Variants in SUPT3H observed in about 807,000 individuals in gnomAD.
SUPT3H encodes transcription initiation protein SPT3 homolog.
SUPT3H carries 44 observed loss-of-function variants against 44.3 expected under a neutral mutation model. The ratio of observed to expected loss-of-function variants is 0.99; its 90% CI spans 0.78 to 1.28. The LOEUF (loss-of-function observed/expected upper bound fraction) is 1.28. Ranked by LOEUF, SUPT3H falls within the 50% of genes most tolerant of loss-of-function variation. The pLI is 0.00. For missense variants in SUPT3H, 380 were observed against 387.1 expected, an observed-to-expected ratio of 0.98 and a Z score of 0.15; for synonymous variants, 124 against 125.6, an observed-to-expected ratio of 0.99 and a Z score of 0.09.
chr6:45,301,393 C>A (rs1782121902), intron 2 of SUPT3H, among the ~76,000 whole-genome samples: 1 of 152,134 alleles, frequency 6.6e-6, no homozygotes, highest in African/African-American at 2.4e-5. Context: ...ATGGGAAGTT[C>A]TCTTTTTTCT....
intron 5 of SUPT3H, among the ~76,000 whole-genome samples, chr6:45,011,738 C>A (rs1783517198): frequency 6.6e-6 from 1 of 151,876 alleles, no homozygotes; most frequent in South Asian, 2.1e-4. Context: ...TTATTTGGTG[C>A]AGCTTGCTTT....
chr6:45,318,700 T>C (rs1026626004), intron 2 of SUPT3H, among the ~76,000 whole-genome samples: 12 of 152,172 alleles, frequency 7.9e-5, no homozygotes, highest in East Asian at 1.9e-4. Context: ...TTGTATTGAA[T>C]AATCCATAAA....
intron 6 of SUPT3H, among the ~76,000 whole-genome samples, chr6:44,971,652 G>C (rs1017214887): frequency 7.9e-5 from 12 of 152,260 alleles, no homozygotes; most frequent in African/African-American, 2.9e-4. Context: ...TACAATTCAA[G>C]ATGAGATTTG....
At chr6:44,980,913 G>A (rs769884436) in intron 6 of SUPT3H, among the ~76,000 whole-genome samples, 32 of 152,110 alleles carry the variant, frequency 2.1e-4, no homozygotes, top group South Asian at 4.1e-4. Context: ...ATTAAGAAGC[G>A]CACGTCTGAA....
intron 3 of SUPT3H, among the ~76,000 whole-genome samples, chr6:45,045,136 T>C (rs1397932927): frequency 6.6e-6 from 1 of 152,084 alleles, no homozygotes; most frequent in African/African-American, 2.4e-5. Context: ...AAATTATTAA[T>C]CCATGCCATA....
At chr6:45,348,051 G>A (rs1179362109) in intron 2 of SUPT3H, among the ~76,000 whole-genome samples, 2 of 152,020 alleles carry the variant, frequency 1.3e-5, no homozygotes, top group Non-Finnish European at 2.9e-5. Context: ...ATGTGGATAT[G>A]TGTATGTATC....
chr6:45,097,635 T>C (rs1249949234), intron 3 of SUPT3H: 1 of 152,174 alleles, frequency 6.6e-6, no homozygotes, highest in East Asian at 1.9e-4. Flanking sequence ...CTACAATGGG[T>C]CCCCAAAGGT....
At chr6:45,241,206 G>T (rs569863053) in intron 2 of SUPT3H, among the ~76,000 whole-genome samples, 1 of 142,968 alleles carries the variant, frequency 7.0e-6, no homozygotes, top group Non-Finnish European at 1.6e-5. Context: ...TTGGGAACAG[G>T]CCCCCCCCCA....
At chr6:45,259,426 T>G (rs1051750977) in intron 2 of SUPT3H, among the ~76,000 whole-genome samples, 2 of 152,196 alleles carry the variant, frequency 1.3e-5, no homozygotes, top group Admixed American at 6.5e-5. Flanking sequence ...TTTCTGTTTA[T>G]GTCTTTGGAA....
chr6:45,037,706 A>C (rs1425840710), intron 3 of SUPT3H, among the ~76,000 whole-genome samples: 1 of 151,234 alleles, frequency 6.6e-6, no homozygotes, highest in Non-Finnish European at 1.5e-5. Flanking sequence ...AATGAAAGAA[A>C]TATATGAGAA....
chr6:45,162,261 G>T (rs1018017625), intron 2 of SUPT3H, among the ~76,000 whole-genome samples: 1 of 151,912 alleles, frequency 6.6e-6, no homozygotes, highest in Admixed American at 6.6e-5. Flanking sequence ...CAGGTGTAGT[G>T]CTTGTAATCC....
chr6:45,012,213 T>A lies in SUPT3H; in HGVS notation c.364+2588A>T, dbSNP rs1219351906. 3.3e-5 allele frequency among the ~76,000 whole-genome samples: 5 copies of A among 151,946 alleles called. No individual in the cohort carries two copies. The East Asian group carries it at 9.6e-4, about 29-fold the overall frequency. ...AGTAGACTGGTAGTTTTCATCAAATTTGGGAGGTTTTCAGTCATTATTTCT... is the reference window on the plus strand; with the variant it reads ...AGTAGACTGGTAGTTTTCATCAAATATGGGAGGTTTTCAGTCATTATTTCT... On this transcript the variant is annotated intron_variant, in intron 5 of 10. Transcript: ENST00000371459.
intron 11 of SUPT3H, among the ~76,000 whole-genome samples, chr6:44,817,052 C>G (rs1403826319): frequency 6.6e-6 from 1 of 151,752 alleles, no homozygotes; most frequent in Non-Finnish European, 1.5e-5. Flanking sequence ...CAGAGTGAGA[C>G]CCTGTCTCTT....
intron 3 of SUPT3H, among the ~76,000 whole-genome samples, chr6:45,021,904 A>T (rs567292602): frequency 2.2e-4 from 34 of 152,024 alleles, no homozygotes; most frequent in Non-Finnish European, 4.4e-4. Context: ...ATTTAAATTT[A>T]ACTGTGAACC....
At chr6:45,338,353 A>G (rs946895232) in intron 2 of SUPT3H, among the ~76,000 whole-genome samples, 32 of 152,238 alleles carry the variant, frequency 2.1e-4, no homozygotes, top group South Asian at 6.2e-4. Context: ...ATAAAAAAAA[A>G]AAATTATAGG....
intron 10 of SUPT3H, among the ~76,000 whole-genome samples, chr6:44,918,685 G>A (rs1768177695): frequency 6.6e-6 from 1 of 152,134 alleles, no homozygotes; most frequent in Non-Finnish European, 1.5e-5. Context: ...AAAGGTGACT[G>A]GCAGGTAAAG....
chr6:45,130,317 T>C (rs892992615), intron 2 of SUPT3H, among the ~76,000 whole-genome samples: 3 of 152,226 alleles, frequency 2.0e-5, no homozygotes, highest in African/African-American at 7.2e-5. Flanking sequence ...ACATAATGTT[T>C]TTACGGGTCA....
chr6:45,323,195 T>A (rs1171848181), intron 2 of SUPT3H, among the ~76,000 whole-genome samples: 2 of 152,130 alleles, frequency 1.3e-5, no homozygotes, highest in Admixed American at 1.3e-4. Context: ...TATACATTGG[T>A]TATCAATTCA....
chr6:44,888,037 C>G (rs1451259754), intron 10 of SUPT3H, among the ~76,000 whole-genome samples: 2 of 152,160 alleles, frequency 1.3e-5, no homozygotes, highest in African/African-American at 4.8e-5. Context: ...AATTCCTGGA[C>G]ACATACACCC....
Sources: gnomAD v4.1 joint callset for allele counts (sites outside exome capture counted in the v4.1 genomes callset) on GRCh38, gnomAD v4.1.1 for gene constraint, MANE v1.5 for transcripts, NCBI Gene and HGNC (gene_info 2026-07-23, HGNC 2026-07-21) for gene names.